The following CACNA1A variants were observed in gnomAD, a reference collection of about 807,000 sequenced individuals.
CACNA1A encodes the protein calcium voltage-gated channel subunit alpha1 A.
Under a neutral mutation model 262.4 loss-of-function variants are expected in CACNA1A, and 57 were observed. That is an observed-to-expected ratio of 0.22 (90% confidence interval 0.18 to 0.27). The LOEUF is 0.27. Among genes scored for constraint, CACNA1A ranks in the 10% least tolerant of loss-of-function variants. CACNA1A has a pLI of 1.00. For missense variants in CACNA1A, 2,526 were observed against 3,562.8 expected (o/e 0.71, Z 7.41); for synonymous variants, 1,431 against 1,419.3 (o/e 1.01, Z -0.18).
At chr19:13,327,467 G>A (rs1340075001) in intron 10 of CACNA1A, among the ~76,000 whole-genome samples, 1 of 148,460 alleles carries the variant, frequency 6.7e-6, no homozygotes, top group South Asian at 2.1e-4. Context: ...GCAGTGAGCC[G>A]AGATGGCACC....
rs1003761990 is a variant in CACNA1A at position 13,260,331 on chromosome 19, T to C, written c.4251-630A>G. Reference sequence around the variant, plus strand: ...ATATATATACATATATATATATATATATTTTTGTTGTTGTTGTTTGTTTGT... The same window carrying C: ...ATATATATACATATATATATATATACATTTTTGTTGTTGTTGTTTGTTTGT... On this transcript the variant is annotated intron_variant, in intron 26 of 46. Transcript: ENST00000360228. 4 of 111,320 alleles carry C rather than the reference T, an allele frequency of 3.6e-5. No individual in the cohort carries two copies. The Admixed American group carries it at 3.7e-4, about 10-fold the overall frequency. The allele number at this position is 111,320 out of a possible 1,614,324, so 6.9% of individuals were successfully genotyped here.
In CACNA1A at chr19:13,208,971, C is replaced by T. The variant is rs2144502827; in HGVS notation, c.6565G>A (p.Asp2189Asn). The T allele has an allele frequency of 6.5e-7, 1 of 1,537,462 alleles. No homozygotes were observed. Among genetic ancestry groups the T allele is most frequent in the Non-Finnish European group, 8.7e-7 (1 of 1,146,878 alleles). Residue 2189 changes from aspartate (D) to asparagine (N), a missense_variant, in exon 46 of 47, where the codon GAC becomes AAC. Asp to Asn is a conservative substitution (Grantham distance 23). Around this residue, in one of 17 missense-constraint regions of CACNA1A, gnomAD observed 929 missense variants for 868.1 expected, o/e 1.07. Transcript: ENST00000360228. Reference sequence around the variant, plus strand: ...TGGTCCCGCTCCTTCGACGGCAGGTCCCCGGATTGGGTGGTCATGCTCAGG... The same window carrying T: ...TGGTCCCGCTCCTTCGACGGCAGGTTCCCGGATTGGGTGGTCATGCTCAGG... ...TDLSMTTQSG[D>N]LPSKERDQER...
intron 30 of CACNA1A, among the ~76,000 whole-genome samples, chr19:13,246,352 T>C (rs1199053171): frequency 6.6e-6 from 1 of 152,252 alleles, no homozygotes; most frequent in Non-Finnish European, 1.5e-5. Context: ...GTGGAAGCAG[T>C]GTGGTCACTT....
At chr19:13,244,633 C>A (rs899077217) in intron 31 of CACNA1A, 1 of 152,780 alleles carries the variant, frequency 6.5e-6, no homozygotes, top group East Asian at 1.9e-4. Flanking sequence ...GGGGCCACCA[C>A]AGAGAGGTCC....
At chr19:13,311,835 T>TCAAAAACAAAAAA (rs1357993552) in intron 12 of CACNA1A, among the ~76,000 whole-genome samples, 1 of 100,608 alleles carries the variant, frequency 9.9e-6, no homozygotes, top group East Asian at 3.5e-4. Flanking sequence ...AGACTCCATC[T>TCAAAAACAAAAAA]CAAAAACAAA....
intron 1 of CACNA1A, among the ~76,000 whole-genome samples, chr19:13,495,942 T>C (rs1981453756): frequency 6.6e-6 from 1 of 152,028 alleles, no homozygotes; most frequent in South Asian, 2.1e-4. Flanking sequence ...TCGAGTCATC[T>C]ACCAATCTAC....
In CACNA1A at chr19:13,207,918, C is replaced by A. The variant is rs1340277628; in HGVS notation, c.6916G>T (p.Ala2306Ser). Residue 2306 changes from alanine (A) to serine (S), a missense_variant, in exon 47 of 47, where the codon GCC becomes TCC. Ala to Ser is a moderately conservative substitution (Grantham distance 99). Around this residue, in one of 17 missense-constraint regions of CACNA1A, gnomAD observed 929 missense variants for 868.1 expected, o/e 1.07. Transcript: ENST00000360228. The surrounding 1 kb of genome is among the most constrained non-coding windows in gnomAD (Gnocchi z 5.7). Reference protein sequence around the residue: ...HVSYSPVIRKAGGSGPPQQQQ... With the variant: ...HVSYSPVIRKSGGSGPPQQQQ... ...TGCTGCGGGGGCCCCGAGCCGCCGG[C>A]CTTACGGATCACAGGGGAATAGGAC... 5.5e-6 allele frequency: 8 copies of A among 1,463,802 alleles called. No homozygotes were observed. Among genetic ancestry groups the A allele is most frequent in the Non-Finnish European group, 6.3e-6 (7 of 1,112,920 alleles). The allele number at this position is 1,463,802 out of a possible 1,614,324, so 90.7% of individuals were successfully genotyped here.
At chr19:13,223,614 C>T (rs1173548810) in intron 38 of CACNA1A, among the ~76,000 whole-genome samples, 1 of 152,206 alleles carries the variant, frequency 6.6e-6, no homozygotes, top group East Asian at 1.9e-4. Context: ...TGAGTTGGGT[C>T]AGGTTCCTCC....
intron 31 of CACNA1A, 54 bp downstream of exon 31, chr19:13,245,128 C>T (rs939058573): frequency 6.7e-5 from 96 of 1,430,696 alleles, no homozygotes; most frequent in Non-Finnish European, 8.3e-5. Flanking sequence ...CGCCCCCTGC[C>T]GCCTGCCTCG....
In CACNA1A at chr19:13,506,350, G is replaced by T; in HGVS notation, c.-126C>A. On this transcript the variant is annotated 5_prime_UTR_variant, in exon 1 of 47. Coordinates refer to ENST00000360228, the MANE Select transcript of CACNA1A (RefSeq NM_001127222.2). The stretch of plus-strand genomic sequence containing the variant: ...GAGCGCGGCGGCTGGAGCTACGACT[G>T]CGGAGACGCTCCACGGCCCAGCCCA... The T allele has an allele frequency of 1.2e-6, 1 of 853,488 alleles. No homozygotes were observed. Among genetic ancestry groups the T allele is most frequent in the Non-Finnish European group, 1.6e-6 (1 of 609,092 alleles). The allele number at this position is 853,488 out of a possible 1,614,324, so 52.9% of individuals were successfully genotyped here.
chr19:13,325,943 T>C (rs1164166496), intron 10 of CACNA1A, among the ~76,000 whole-genome samples: 2 of 152,200 alleles, frequency 1.3e-5, no homozygotes, highest in African/African-American at 2.4e-5. Flanking sequence ...AATTTTCAAG[T>C]ATATAATACA....
chr19:13,216,647 TTATCTATCTATCTATCTATC>T (rs71168686), intron 38 of CACNA1A, among the ~76,000 whole-genome samples: 7 of 149,234 alleles, frequency 4.7e-5, no homozygotes, highest in African/African-American at 1.5e-4. Flanking sequence ...TTTTAAAAAT[TTATCTATCTATCTATCTATC>T]TATCTATCTA....
At chr19:13,341,536 G>A (rs1443553510) in intron 6 of CACNA1A, among the ~76,000 whole-genome samples, 8 of 152,082 alleles carry the variant, frequency 5.3e-5, no homozygotes, top group Admixed American at 3.9e-4. Flanking sequence ...TCGCTCATTC[G>A]GTTCCAGCCA....
At chr19:13,470,960 G>A (rs954436163) in intron 1 of CACNA1A, among the ~76,000 whole-genome samples, 5 of 152,088 alleles carry the variant, frequency 3.3e-5, no homozygotes, top group African/African-American at 7.2e-5. Context: ...TTATTCTCTC[G>A]TCATCCTGGA....
intron 1 of CACNA1A, among the ~76,000 whole-genome samples, chr19:13,458,832 C>A (rs1452299736): frequency 2.0e-5 from 3 of 152,224 alleles, no homozygotes; most frequent in Non-Finnish European, 4.4e-5. Flanking sequence ...CGCCAACAGG[C>A]TCTGCATATG....
intron 31 of CACNA1A, among the ~76,000 whole-genome samples, chr19:13,240,959 C>CGGCA (rs2056065683): frequency 1.3e-5 from 2 of 152,366 alleles, no homozygotes; most frequent in Admixed American, 1.3e-4. Flanking sequence ...GAGTCTTTGC[C>CGGCA]GGCACACTGC....
chr19:13,308,409 G>C lies in CACNA1A; in HGVS notation c.1781+7C>G. On this transcript the variant is annotated splice_region_variant and intron_variant, in intron 13 of 46. Coordinates refer to ENST00000360228, the MANE Select transcript of CACNA1A (RefSeq NM_001127222.2). This position sits in a 1 kb window ranked among gnomAD's most constrained non-coding sequence, Gnocchi z 4.2. ...TGTACAAATGTCCAGGAACCCCAAA[G>C]ACTTACTTTGTGACTTTGAAAATAC... 6.3e-7 allele frequency: 1 copy of C among 1,587,036 alleles called. No homozygotes were observed. Among genetic ancestry groups the C allele is most frequent in the Non-Finnish European group, 8.6e-7 (1 of 1,158,016 alleles).
chr19:13,309,824 G>A (rs1568520378), intron 12 of CACNA1A, among the ~76,000 whole-genome samples: 1 of 152,082 alleles, frequency 6.6e-6, no homozygotes, highest in Non-Finnish European at 1.5e-5. Flanking sequence ...AAACTGAGGT[G>A]AAATTCACAT....
intron 1 of CACNA1A, among the ~76,000 whole-genome samples, chr19:13,504,141 G>A (rs1010909003): frequency 4.6e-5 from 7 of 152,138 alleles, no homozygotes; most frequent in African/African-American, 9.7e-5. Flanking sequence ...CTAACTGGGT[G>A]TGCACCCATG....
Sources: gnomAD v4.1 joint callset for allele counts (sites outside exome capture counted in the v4.1 genomes callset) on GRCh38, gnomAD v4.1.1 for gene constraint, gnomAD v4.1.1 regional missense constraint, Gnocchi (gnomAD v3.1) non-coding constraint, MANE v1.5 for transcripts, NCBI Gene and HGNC (gene_info 2026-07-23, HGNC 2026-07-21) for gene names.